PLEKHA8: variants seen among roughly 807,000 people sequenced by gnomAD.
PLEKHA8 encodes pleckstrin homology domain-containing family A member 8.
Under a neutral mutation model 68.2 loss-of-function variants are expected in PLEKHA8, and 36 were observed. The observed-to-expected ratio is 0.53, with a 90% CI of 0.40 to 0.70. The LOEUF (loss-of-function observed/expected upper bound fraction) is 0.70. PLEKHA8 is among the 30% of genes least tolerant of loss of function. PLEKHA8 has a pLI of 0.00. For missense variants in PLEKHA8, 505 were observed against 615.4 expected (o/e 0.82, Z 1.90); for synonymous variants, 211 against 216.1 (o/e 0.98, Z 0.20).
At chr7:30,055,422 C>A in intron 9 of PLEKHA8, 80 bp downstream of exon 9, 1 of 1,232,494 alleles carries the variant, frequency 8.1e-7, no homozygotes, top group Non-Finnish European at 1.2e-6. Context: ...AGAAATACCC[C>A]AAACTATGTG....
At chr7:30,128,264 G>A (rs982631088) in intron 13 of PLEKHA8, among the ~76,000 whole-genome samples, 2 of 151,950 alleles carry the variant, frequency 1.3e-5, no homozygotes, top group Non-Finnish European at 2.9e-5. Flanking sequence ...AGGCCACCAT[G>A]CCCAGCTAAT....
Position 30,060,051 on chromosome 7 carries a change from C to T in PLEKHA8, c.1040-833C>T, listed in dbSNP as rs531609754. ...ACCTGGGAGGCTGAGGCAGGAGAATCGCTTGAACCAGGGAGTCGGAGGTTG... is the reference window on the plus strand; with the variant it reads ...ACCTGGGAGGCTGAGGCAGGAGAATTGCTTGAACCAGGGAGTCGGAGGTTG... On this transcript the variant is annotated intron_variant, in intron 9 of 13. Transcript: ENST00000449726. Among the ~76,000 whole-genome samples the T allele has an allele frequency of 9.9e-5, 15 of 152,046 alleles. No homozygotes were observed. The South Asian group carries it at 2.5e-3, about 25-fold the overall frequency.
At chr7:30,090,350 C>G (rs1795366907) in exon 13 of PLEKHA8, 2 of 744,440 alleles carry the variant, frequency 2.7e-6, no homozygotes, top group Admixed American at 6.2e-5. Flanking sequence ...AAAAGAATGA[C>G]TCAAATGTAT....
chr7:30,044,732 G>C (rs1056582484), intron 1 of PLEKHA8, among the ~76,000 whole-genome samples: 2 of 152,162 alleles, frequency 1.3e-5, no homozygotes, highest in South Asian at 2.1e-4. Context: ...CTTAGAAAAA[G>C]TAAAAATCAC....
intron 1 of PLEKHA8, among the ~76,000 whole-genome samples, chr7:30,041,456 C>G (rs887174469): frequency 7.1e-6 from 1 of 140,644 alleles, no homozygotes; most frequent in South Asian, 2.2e-4. Flanking sequence ...AGGTCTCACT[C>G]TCACCCAGGC....
intron 1 of PLEKHA8, among the ~76,000 whole-genome samples, chr7:30,030,275 C>T (rs1399168446): frequency 6.6e-6 from 1 of 152,152 alleles, no homozygotes; most frequent in Non-Finnish European, 1.5e-5. Context: ...TCTTCCCCAT[C>T]CCCAACTTTT....
intron 9 of PLEKHA8, 34 bp downstream of exon 9, chr7:30,055,376 T>C: frequency 5.1e-6 from 8 of 1,581,154 alleles, no homozygotes; most frequent in Non-Finnish European, 7.0e-6. Flanking sequence ...CATTCATTCA[T>C]GTCTAGAATC....
Position 30,074,048 on chromosome 7 carries a change from A to C in PLEKHA8, c.1301-23A>C, listed in dbSNP as rs746276844. On this transcript the variant is annotated intron_variant, in intron 12 of 13. Transcript: ENST00000449726. ...TCAAATTCTGATGAAAGTGTTCCTC[A>C]TGGAGTTTTTCTTCTTTTCAAGATA... 5 of 1,594,920 alleles carry C rather than the reference A, an allele frequency of 3.1e-6. No homozygotes were observed. The African/African-American group carries it at 6.8e-5, about 22-fold the overall frequency.
rs946262843 is a variant in PLEKHA8, at chr7:30,040,759, C to T, written c.41-4326C>T. Among the ~76,000 whole-genome samples the T allele has an allele frequency of 6.6e-5, 10 of 151,732 alleles. No individual in the cohort carries two copies. In the East Asian group the frequency reaches 1.4e-3, roughly 21 times the overall value. On this transcript the variant is annotated intron_variant, in intron 1 of 13. Coordinates refer to ENST00000449726, the MANE Select transcript of PLEKHA8 (RefSeq NM_001197026.2). Reference sequence around the variant, plus strand: ...ATTTAAATACTCTTTTTTTTTTACCCGCTACCCCGTCCCTGGCAATGATAG... The same window carrying T: ...ATTTAAATACTCTTTTTTTTTTACCTGCTACCCCGTCCCTGGCAATGATAG...
intron 12 of PLEKHA8, among the ~76,000 whole-genome samples, chr7:30,073,720 G>GTGCACACC (rs1004954344): frequency 6.6e-6 from 1 of 151,938 alleles, no homozygotes; most frequent in Non-Finnish European, 1.5e-5. Context: ...AAGAATGGTG[G>GTGCACACC]TGCACACCTG....
rs533872961 is a variant in PLEKHA8, at chr7:30,098,155, G to T, written c.1362+24023G>T. On this transcript the variant is annotated intron_variant, in intron 13 of 13. Transcript: ENST00000396257. ...GCAGAACTGCAGATATTGGTGAACC[G>T]CAAACGCTGCTGCCTGATCGTTCCT... is the stretch of plus-strand genomic sequence containing the variant. Among the ~76,000 whole-genome samples, 263 of 152,334 alleles carry T rather than the reference G, an allele frequency of 1.7e-3. 1 individual carries two copies. The highest frequency in any genetic ancestry group is 6.0e-3 in the African/African-American group (249 of 41,576).
chr7:30,115,647 T>C lies in PLEKHA8; in HGVS notation c.1363-13619T>C, dbSNP rs193275785. On this transcript the variant is annotated intron_variant, in intron 13 of 13. Coordinates refer to the PLEKHA8 transcript ENST00000396257. ...ATACATGTACACATACATGCACACA[T>C]GTACACATACATGTATACGTGTATA... Among the ~76,000 whole-genome samples, 499 of 151,900 alleles carry C rather than the reference T, an allele frequency of 3.3e-3. 2 individuals carry two copies. Among genetic ancestry groups the C allele is most frequent in the Non-Finnish European group, 3.1e-3 (211 of 67,832 alleles).
At position 30,054,781 on chromosome 7, in the gene PLEKHA8, G is replaced by T; in HGVS notation, c.869G>T (p.Gly290Val). ...KNHDNNLTQS[G>V]SDSSCSPECL... is the part of the protein sequence containing the mutation. The stretch of plus-strand genomic sequence containing the variant: ...CATGACAATAACTTGACTCAGTCTG[G>T]ATCAGACTCAAGTTGCTCTCCGGAA... The change falls in exon 8 of 14, where the codon GGA becomes GTA. Residue 290 changes from glycine to valine, a missense_variant. Coordinates refer to ENST00000449726, the MANE Select transcript of PLEKHA8 (RefSeq NM_001197026.2). 6.2e-7 allele frequency: 1 copy of T among 1,609,902 alleles called. No individual in the cohort carries two copies. The highest frequency in any genetic ancestry group is 2.2e-5 in the East Asian group (1 of 44,778).
Position 30,080,099 on chromosome 7 carries a change from A to G in PLEKHA8, c.*1312A>G. On this transcript the variant is annotated 3_prime_UTR_variant, in exon 14 of 14. Transcript: ENST00000449726. ...ATCTCGGTTTAATCACCAAAAGTGC[A>G]GAGCAGGCAAAATGCAGCTGTTTAT... The G allele has an allele frequency of 1.0e-6, 1 of 985,398 alleles. No homozygotes were observed. The highest frequency in any genetic ancestry group is 1.2e-6 in the Non-Finnish European group (1 of 829,924). The allele number at this position is 985,398 out of a possible 1,614,324, so 61.0% of individuals were successfully genotyped here. A position where few individuals can be genotyped will look rare whatever the true frequency, so the allele number is the denominator to read the frequency against.
chr7:30,127,415 A>G (rs936394220), intron 13 of PLEKHA8, among the ~76,000 whole-genome samples: 27 of 152,254 alleles, frequency 1.8e-4, no homozygotes, highest in Non-Finnish European at 4.4e-5. Context: ...AGTTTCTAAA[A>G]GATCATTTGG....
chr7:30,049,606 C>A (rs892922574), intron 5 of PLEKHA8, among the ~76,000 whole-genome samples: 5 of 152,170 alleles, frequency 3.3e-5, no homozygotes, highest in Non-Finnish European at 5.9e-5. Context: ...CTCTTTCCAA[C>A]CCCTTGTCAG....
intron 1 of PLEKHA8, among the ~76,000 whole-genome samples, chr7:30,029,476 C>A (rs1223298828): frequency 1.3e-5 from 2 of 152,142 alleles, no homozygotes; most frequent in African/African-American, 4.8e-5. Flanking sequence ...ATAGTCCCCG[C>A]CCTTTTTTTC....
chr7:30,099,657 G>A (rs1795776749), intron 13 of PLEKHA8, among the ~76,000 whole-genome samples: 1 of 152,180 alleles, frequency 6.6e-6, no homozygotes, highest in Admixed American at 6.5e-5. Flanking sequence ...TCAAGTACAT[G>A]TGGAATATAC....
chr7:30,128,566 GT>G (rs964015483), intron 13 of PLEKHA8, among the ~76,000 whole-genome samples: 8 of 151,958 alleles, frequency 5.3e-5, no homozygotes, highest in East Asian at 3.9e-4. Context: ...GATTGATGGA[GT>G]TTTTTTTATT....
Sources: allele counts gnomAD v4.1 joint callset (sites outside exome capture counted in the v4.1 genomes callset), GRCh38; gene constraint gnomAD v4.1.1; transcripts MANE v1.5; gene names NCBI Gene and HGNC (gene_info 2026-07-23, HGNC 2026-07-21).